The following SPRED1 variants were observed in gnomAD, a reference collection of about 807,000 sequenced individuals.
SPRED1 encodes the protein sprouty related EVH1 domain containing 1, also known as sprouty-related, EVH1 domain-containing protein 1.
SPRED1 carries 18 observed loss-of-function variants against 52.3 expected under a neutral mutation model. The ratio of observed to expected loss-of-function variants is 0.34; its 90% CI spans 0.24 to 0.51. The LOEUF (loss-of-function observed/expected upper bound fraction) is 0.51, where lower values mean the gene tolerates loss of function less well. Ranked by LOEUF, SPRED1 falls within the 20% of genes least tolerant of loss-of-function variation. The pLI is 0.97. For missense variants in SPRED1, 485 were observed against 551.0 expected (o/e 0.88, Z 1.20); for synonymous variants, 155 against 179.7 (o/e 0.86, Z 1.10).
chr15:38,351,209 T>C lies in SPRED1; in HGVS notation c.880T>C (p.Tyr294His). The C allele has an allele frequency of 6.2e-7, 1 of 1,614,156 alleles. No homozygotes were observed. The highest frequency in any genetic ancestry group is 8.5e-7 in the Non-Finnish European group (1 of 1,180,016). ...AGACAGTAAAAAATCAGACTATCTG[T>C]ACTCTTGTGGGGATGAGACTAAGTT... ...KPDSKKSDYL[Y>H]SCGDETKLSS... The change falls in exon 7 of 7, where the codon TAC becomes CAC. Residue 294 changes from tyrosine to histidine, a missense_variant. Transcript: ENST00000299084.
At chr15:38,257,954 G>C (rs1324625572) in intron 1 of SPRED1, among the ~76,000 whole-genome samples, 3 of 152,166 alleles carry the variant, frequency 2.0e-5, no homozygotes, top group African/African-American at 7.2e-5. Flanking sequence ...TACCCAGTTT[G>C]GGGAAATGAT....
intron 4 of SPRED1, among the ~76,000 whole-genome samples, chr15:38,331,045 G>C (rs1435408302): frequency 6.6e-6 from 1 of 152,032 alleles, no homozygotes; most frequent in Non-Finnish European, 1.5e-5. Flanking sequence ...GCTTTACTCT[G>C]TATCCTTTTG....
intron 1 of SPRED1, chr15:38,298,686 A>C: frequency 1.3e-5 from 3 of 223,994 alleles, no homozygotes; most frequent in Non-Finnish European, 2.7e-5. Flanking sequence ...TTTGATTATC[A>C]TGTTGATTAT....
chr15:38,274,652 A>T (rs1206446219), intron 1 of SPRED1, among the ~76,000 whole-genome samples: 1 of 152,200 alleles, frequency 6.6e-6, no homozygotes, highest in African/African-American at 2.4e-5. Context: ...TTGAAATTTC[A>T]CCGGTTGTTC....
chr15:38,304,383 C>T (rs1895209349), intron 2 of SPRED1, among the ~76,000 whole-genome samples: 1 of 152,154 alleles, frequency 6.6e-6, no homozygotes. Flanking sequence ...TTCAGCCTTC[C>T]TAGCAGTTTT....
At chr15:38,328,062 T>G (rs1595749822) in intron 4 of SPRED1, among the ~76,000 whole-genome samples, 1 of 152,160 alleles carries the variant, frequency 6.6e-6, no homozygotes, top group East Asian at 1.9e-4. Flanking sequence ...GCTACTTTAT[T>G]AGGAATAAAA....
chr15:38,311,834 A>G (rs1331544468), intron 2 of SPRED1, among the ~76,000 whole-genome samples: 3 of 151,920 alleles, frequency 2.0e-5, no homozygotes, highest in East Asian at 1.9e-4. Context: ...TATCAATTGT[A>G]TTGGTTTTTA....
intron 5 of SPRED1, among the ~76,000 whole-genome samples, chr15:38,342,175 C>A (rs1314103751): frequency 6.6e-6 from 1 of 151,188 alleles, no homozygotes; most frequent in Non-Finnish European, 1.5e-5. Context: ...CTTCACTTTG[C>A]TTATTCAAAT....
intron 6 of SPRED1, among the ~76,000 whole-genome samples, chr15:38,350,447 T>C (rs1888457314): frequency 6.6e-6 from 1 of 152,248 alleles, no homozygotes; most frequent in Non-Finnish European, 1.5e-5. Flanking sequence ...GTCGCATTAC[T>C]GGAGGTTAGG....
chr15:38,300,259 A>G (rs1240476403), intron 2 of SPRED1, among the ~76,000 whole-genome samples: 5 of 152,124 alleles, frequency 3.3e-5, no homozygotes, highest in African/African-American at 9.7e-5. Context: ...TTGTGGGCCA[A>G]AAACAACTGA....
chr15:38,321,951 G>A (rs1895611478), intron 2 of SPRED1, among the ~76,000 whole-genome samples: 1 of 152,050 alleles, frequency 6.6e-6, no homozygotes, highest in African/African-American at 2.4e-5. Flanking sequence ...CCTGTTTCCT[G>A]GAAGTAATTC....
chr15:38,274,843 G>C (rs548778844), intron 1 of SPRED1, among the ~76,000 whole-genome samples: 1 of 152,120 alleles, frequency 6.6e-6, no homozygotes, highest in East Asian at 1.9e-4. Flanking sequence ...ACATGTTTTT[G>C]GCAACAATAC....
At chr15:38,296,097 G>A (rs996523614) in intron 1 of SPRED1, among the ~76,000 whole-genome samples, 6 of 152,072 alleles carry the variant, frequency 3.9e-5, no homozygotes, top group Non-Finnish European at 5.9e-5. Flanking sequence ...TAATGGACAC[G>A]TAAAACAAGG....
At chr15:38,318,214 A>C (rs1044299927) in intron 2 of SPRED1, among the ~76,000 whole-genome samples, 1 of 151,978 alleles carries the variant, frequency 6.6e-6, no homozygotes, top group African/African-American at 2.4e-5. Flanking sequence ...TGGTACATTA[A>C]ATATATAATG....
intron 4 of SPRED1, among the ~76,000 whole-genome samples, chr15:38,327,163 G>C (rs1595749373): frequency 6.6e-6 from 1 of 152,254 alleles, no homozygotes. Context: ...AATTTCATCT[G>C]TACCTGCACC....
chr15:38,263,523 A>G (rs1484943891), intron 1 of SPRED1, among the ~76,000 whole-genome samples: 1 of 152,218 alleles, frequency 6.6e-6, no homozygotes, highest in East Asian at 1.9e-4. Flanking sequence ...AAAAGACGGA[A>G]GTGGCTTAAG....
chr15:38,312,793 G>T (rs887060249), intron 2 of SPRED1, among the ~76,000 whole-genome samples: 1 of 151,802 alleles, frequency 6.6e-6, no homozygotes, highest in East Asian at 1.9e-4. Context: ...CCTTTATATT[G>T]TATTCTTTAT....
intron 1 of SPRED1, among the ~76,000 whole-genome samples, chr15:38,268,869 C>T (rs1170787372): frequency 6.6e-6 from 1 of 151,870 alleles, no homozygotes; most frequent in African/African-American, 2.4e-5. Context: ...AGTACATTTT[C>T]AGTCTTTGAA....
chr15:38,313,608 G>A (rs1895412414), intron 2 of SPRED1, among the ~76,000 whole-genome samples: 4 of 151,054 alleles, frequency 2.6e-5, no homozygotes, highest in Admixed American at 6.6e-5. Context: ...CATATTATCC[G>A]TTACATTATA....
Sources: gnomAD v4.1 joint callset for allele counts (sites outside exome capture counted in the v4.1 genomes callset) on GRCh38, gnomAD v4.1.1 for gene constraint, MANE v1.5 for transcripts, NCBI Gene and HGNC (gene_info 2026-07-23, HGNC 2026-07-21) for gene names.